Variants in HLA-DOB observed in about 807,000 individuals in gnomAD.
The protein encoded by HLA-DOB is major histocompatibility complex, class II, DO beta.
A neutral mutation model predicts 27.7 loss-of-function variants in HLA-DOB; 25 were observed. The ratio of observed to expected loss-of-function variants is 0.90; its 90% confidence interval spans 0.66 to 1.26. The LOEUF is 1.26. Among genes scored for constraint, HLA-DOB ranks in the 50% most tolerant of loss-of-function variants. HLA-DOB has a pLI of 0.00. For missense variants in HLA-DOB, 306 were observed against 324.9 expected (o/e 0.94, Z 0.45); for synonymous variants, 137 against 125.6 (o/e 1.09, Z -0.61).
At position 32,815,201 on chromosome 6, in the gene HLA-DOB, A is replaced by T. The variant is rs1767967552; in HGVS notation, c.204T>A (p.Ser68Arg). Residue 68 changes from serine to arginine, a missense_variant, in exon 2 of 6, where the codon AGT becomes AGA. Ser to Arg is a moderately radical substitution (Grantham distance 110). Coordinates refer to ENST00000438763, the MANE Select transcript of HLA-DOB (RefSeq NM_002120.4). ...FNLEEYVRFDSDVGMFVALTK... is the reference protein window; with the variant it reads ...FNLEEYVRFDRDVGMFVALTK... ...TCAATGCCACAAACATCCCCACATC[A>T]CTGTCGAAACGTACATACTCCTCCA... The T allele has an allele frequency of 1.2e-6, 2 of 1,614,128 alleles. No homozygotes were observed. Among genetic ancestry groups the T allele is most frequent in the Non-Finnish European group, 1.7e-6 (2 of 1,180,024 alleles).
chr6:32,813,909 A>G (rs1582525353), intron 3 of HLA-DOB, 76 bp from the exon 4 acceptor site: 1 of 882,304 alleles, frequency 1.1e-6, no homozygotes, highest in East Asian at 2.6e-5. Flanking sequence ...CAGAATCTGT[A>G]CTAGACACCA....
rs1412505207 is a variant in HLA-DOB at position 32,815,114 on chromosome 6, G to T, written c.291C>A (p.Ser97Arg). ...TACAGACCCCATCCACGGCCTGTCT[G>T]CTCCTCTCCAAGAGATCCAGCCGGC... ...WNSRLDLLERSRQAVDGVCRH... is the reference protein window; with the variant it reads ...WNSRLDLLERRRQAVDGVCRH... Residue 97 changes from serine (S) to arginine (R), a missense_variant, in exon 2 of 6, where the codon AGC (serine) becomes AGA (arginine). Transcript: ENST00000438763. 3 of 1,614,164 alleles carry T rather than the reference G, an allele frequency of 1.9e-6. No individual in the cohort carries two copies. In the Admixed American group the frequency reaches 5.0e-5, roughly 27 times the overall value.
chr6:32,812,915 G>T lies in HLA-DOB; in HGVS notation c.*301C>A. On this transcript the variant is annotated 3_prime_UTR_variant, in exon 6 of 6. Transcript: ENST00000438763. Reference sequence around the variant, plus strand: ...TTGGAGATCATGACTTATAGGAGTAGGGCTGGACCACAGAAAAGTAAATGA... The same window carrying T: ...TTGGAGATCATGACTTATAGGAGTATGGCTGGACCACAGAAAAGTAAATGA... 1 of 497,078 alleles carries T rather than the reference G, an allele frequency of 2.0e-6. No homozygotes were observed. Among genetic ancestry groups the T allele is most frequent in the Non-Finnish European group, 3.6e-6 (1 of 276,558 alleles). 30.8% of individuals were successfully genotyped at this position (497,078 alleles called of 1,614,324 possible). A position where few individuals can be genotyped will look rare whatever the true frequency, so the allele number is the denominator to read the frequency against.
At position 32,815,206 on chromosome 6, in the gene HLA-DOB, C is replaced by G; in HGVS notation, c.199G>C (p.Asp67His). 6.2e-7 allele frequency: 1 copy of G among 1,614,210 alleles called. No individual in the cohort carries two copies. Among genetic ancestry groups the G allele is most frequent in the Non-Finnish European group, 8.5e-7 (1 of 1,180,036 alleles). Reference protein sequence around the residue: ...IFNLEEYVRFDSDVGMFVALT... With the variant: ...IFNLEEYVRFHSDVGMFVALT... ...GCCACAAACATCCCCACATCACTGTCGAAACGTACATACTCCTCCAAGTTA... is the reference window on the plus strand; with the variant it reads ...GCCACAAACATCCCCACATCACTGTGGAAACGTACATACTCCTCCAAGTTA... Residue 67 changes from aspartate (D) to histidine (H), a missense_variant, in exon 2 of 6, where the codon GAC becomes CAC. Asp to His is a moderately conservative substitution (Grantham distance 81). Transcript: ENST00000438763.
In HLA-DOB at chr6:32,814,591, C is replaced by A; in HGVS notation, c.372G>T (p.Glu124Asp). ...GGGTCCTCTCTGGGTACACTGTCAC[C>A]TCTGGTTGCACTAGGAAGGGAGGAA... is the stretch of plus-strand genomic sequence containing the variant. ...PFTVGRKVQPEVTVYPERTPL... is the reference protein window; with the variant it reads ...PFTVGRKVQPDVTVYPERTPL... The change falls in exon 3 of 6, where the codon GAG becomes GAT. Residue 124 changes from glutamate to aspartate, a missense_variant. By Grantham distance (45) the Glu-to-Asp change is conservative (BLOSUM62 2). Coordinates refer to ENST00000438763, the MANE Select transcript of HLA-DOB (RefSeq NM_002120.4). 1 of 1,611,622 alleles carries A rather than the reference C, an allele frequency of 6.2e-7. No homozygotes were observed. The highest frequency in any genetic ancestry group is 8.5e-7 in the Non-Finnish European group (1 of 1,178,890).
In HLA-DOB at chr6:32,813,435, A is replaced by G; in HGVS notation, c.786+5T>C. ...CACTCAAAGACAAGGAAAAAGAGACATTACCTCATTACCAGACATCTGCGT... is the reference window on the plus strand; with the variant it reads ...CACTCAAAGACAAGGAAAAAGAGACGTTACCTCATTACCAGACATCTGCGT... On this transcript the variant is annotated splice_donor_5th_base_variant and intron_variant, in intron 5 of 5. Coordinates refer to ENST00000438763, the MANE Select transcript of HLA-DOB (RefSeq NM_002120.4). The G allele has an allele frequency of 6.2e-7, 1 of 1,613,028 alleles. No individual in the cohort carries two copies. Among genetic ancestry groups the G allele is most frequent in the Non-Finnish European group, 8.5e-7 (1 of 1,179,884 alleles).
In HLA-DOB at chr6:32,814,360, G is replaced by C. The variant is rs373352523; in HGVS notation, c.603C>G (p.Val201=). 3.7e-5 allele frequency: 60 copies of C among 1,612,874 alleles called. 1 individual carries two copies. Among genetic ancestry groups the C allele is most frequent in the Non-Finnish European group, 4.4e-5 (52 of 1,180,020 alleles). ...CAGGGCTCAGCAGGCTGGAGTGATC[G>C]ACAAGGCAGGTGTAGACATGTCCAA... ...PELGHVYTCL[V]DHSSLLSPVS... Residue 201 remains valine, a synonymous_variant, in exon 3 of 6, where the codon GTC becomes GTG. Transcript: ENST00000438763.
chr6:32,813,405 T>C (rs1360088634), intron 5 of HLA-DOB, 35 bp downstream of exon 5: 1 of 1,610,530 alleles, frequency 6.2e-7, no homozygotes, highest in Non-Finnish European at 8.5e-7. Context: ...GGGAGAATGA[T>C]CTGCCACTCA....
intron 2 of HLA-DOB, 31 bp from the exon 3 acceptor site, chr6:32,814,632 A>G (rs1767942600): frequency 6.3e-7 from 1 of 1,587,232 alleles, no homozygotes; most frequent in South Asian, 1.1e-5. Flanking sequence ...AGACACCGTG[A>G]AAGAAAACCA....
At position 32,815,322 on chromosome 6, in the gene HLA-DOB, C is replaced by T; in HGVS notation, c.92-9G>A. 1.2e-6 allele frequency: 2 copies of T among 1,613,370 alleles called. No homozygotes were observed. The stretch of plus-strand genomic sequence containing the variant: ...CTGAATCACAAAATCTTCTGGAAAA[C>T]CAAAACCAAAACCATGAACCAGCCC... On this transcript the variant is annotated splice_polypyrimidine_tract_variant and intron_variant, in intron 1 of 5. Transcript: ENST00000438763.
intron 4 of HLA-DOB, 63 bp downstream of exon 4, chr6:32,813,660 A>T: frequency 8.3e-7 from 1 of 1,211,516 alleles, no homozygotes; most frequent in South Asian, 1.3e-5. Flanking sequence ...CATTGACGTT[A>T]GGGAAGGTGG....
Position 32,815,183 on chromosome 6 carries a change from C to T in HLA-DOB, c.222G>A (p.Val74=). The T allele has an allele frequency of 1.2e-6, 2 of 1,614,236 alleles. No individual in the cohort carries two copies. The highest frequency in any genetic ancestry group is 1.7e-6 in the Non-Finnish European group (2 of 1,180,056). ...VRFDSDVGMF[V]ALTKLGQPDA... Reference sequence around the variant, plus strand: ...CTGGCTGCCCCAGCTTGGTCAATGCCACAAACATCCCCACATCACTGTCGA... The same window carrying T: ...CTGGCTGCCCCAGCTTGGTCAATGCTACAAACATCCCCACATCACTGTCGA... Residue 74 remains valine, a synonymous_variant, in exon 2 of 6, where the codon GTG becomes GTA. Transcript: ENST00000438763.
At position 32,814,971 on chromosome 6, in the gene HLA-DOB, A is replaced by C. The variant is rs567674096; in HGVS notation, c.361+73T>G. The C allele has an allele frequency of 2.2e-5, 34 of 1,533,910 alleles. No individual in the cohort carries two copies. The African/African-American group carries it at 4.2e-4, about 19-fold the overall frequency. ...ATCCTAAAGCAGAAAATTGCTTGTAAGAAAGAAGAGCCATGGCCAGGTTCA... is the reference window on the plus strand; with the variant it reads ...ATCCTAAAGCAGAAAATTGCTTGTACGAAAGAAGAGCCATGGCCAGGTTCA... On this transcript the variant is annotated intron_variant, in intron 2 of 5. Transcript: ENST00000438763.
In HLA-DOB at chr6:32,815,588, T is replaced by C. The variant is rs2857111; in HGVS notation, c.92-275A>G. On this transcript the variant is annotated intron_variant, in intron 1 of 5. Coordinates refer to ENST00000438763, the MANE Select transcript of HLA-DOB (RefSeq NM_002120.4). ...CCAGACACGTTTAGAATGGATTCTC[T>C]AGGGAGGGGAGAGAATGAGAACGGA... is the stretch of plus-strand genomic sequence containing the variant. Among the ~76,000 whole-genome samples, 11,741 of 152,306 alleles carry C rather than the reference T, an allele frequency of 0.077. 517 individuals are homozygous for C. Among genetic ancestry groups the C allele is most frequent in the East Asian group, 0.18 (911 of 5,190 alleles).
Position 32,816,925 on chromosome 6 carries a change from C to T in HLA-DOB, c.27G>A (p.Val9=). MGSGWVPW[V]VALLVNLTRL... is the part of the protein sequence containing the mutation. ...GGGTCAGATTCACTAGCAGAGCCAC[C>T]ACCCAGGGGACCCACCCAGAACCCA... Residue 9 remains valine, a synonymous_variant, in exon 1 of 6, where the codon GTG becomes GTA. Transcript: ENST00000438763. 1 of 1,612,912 alleles carries T rather than the reference C, an allele frequency of 6.2e-7. No homozygotes were observed. Among genetic ancestry groups the T allele is most frequent in the East Asian group, 2.2e-5 (1 of 44,888 alleles).
Position 32,815,137 on chromosome 6 carries a change from G to A in HLA-DOB, c.268C>T (p.Arg90Trp), listed in dbSNP as rs756168942. 4.3e-6 allele frequency: 7 copies of A among 1,614,000 alleles called. No homozygotes were observed. In the East Asian group the frequency reaches 6.7e-5, roughly 15 times the overall value. ...GQPDAEQWNS[R>W]LDLLERSRQA... ...CTGCTCCTCTCCAAGAGATCCAGCC[G>A]GCTGTTCCACTGCTCAGCATCTGGC... is the stretch of plus-strand genomic sequence containing the variant. The change falls in exon 2 of 6, where the codon CGG becomes TGG. Residue 90 changes from arginine (R) to tryptophan (W), a missense_variant. Arg to Trp is a moderately radical substitution (Grantham distance 101). Transcript: ENST00000438763.
At chr6:32,815,546 T>C (rs1184528099) in intron 1 of HLA-DOB, among the ~76,000 whole-genome samples, 1 of 152,240 alleles carries the variant, frequency 6.6e-6, no homozygotes, top group East Asian at 1.9e-4. Context: ...AAAGCCACTC[T>C]CATACTTAGA....
chr6:32,815,563 C>T (rs1173539313), intron 1 of HLA-DOB, among the ~76,000 whole-genome samples: 4 of 152,186 alleles, frequency 2.6e-5, no homozygotes, highest in Non-Finnish European at 5.9e-5. Flanking sequence ...TAGAGACTTA[C>T]CAGACACGTT....
At chr6:32,814,924 A>G in intron 2 of HLA-DOB, 120 bp downstream of exon 2, 1 of 1,170,006 alleles carries the variant, frequency 8.5e-7, no homozygotes, top group Non-Finnish European at 1.2e-6. Context: ...TGGGGCCAGA[A>G]CATCTACACA....
Sources: allele counts gnomAD v4.1 joint callset (sites outside exome capture counted in the v4.1 genomes callset), GRCh38; gene constraint gnomAD v4.1.1; transcripts MANE v1.5; gene names NCBI Gene and HGNC (gene_info 2026-07-23, HGNC 2026-07-21).